The following PCDHGA6 variants were observed in gnomAD, a reference collection of about 807,000 sequenced individuals.
PCDHGA6 encodes protocadherin gamma-A6.
Under a neutral mutation model 60.6 loss-of-function variants are expected in PCDHGA6, and 41 were observed. The ratio of observed to expected loss-of-function variants is 0.68; its 90% CI spans 0.53 to 0.88. The LOEUF (loss-of-function observed/expected upper bound fraction) is 0.88. PCDHGA6 is among the 40% of genes least tolerant of loss of function. The pLI is 0.00. For synonymous variants in PCDHGA6, 594 were observed against 524.4 expected, an observed-to-expected ratio of 1.13 and a Z score of -1.81; for missense variants, 1,312 against 1,203.0, an observed-to-expected ratio of 1.09 and a Z score of -1.34.
intron 1 of PCDHGA6, chr5:141,385,631 G>A (rs539938751): frequency 7.4e-6 from 7 of 947,722 alleles, no homozygotes; most frequent in Middle Eastern, 4.4e-4. Flanking sequence ...GGAATGAATC[G>A]AGTCTTTCAT....
intron 1 of PCDHGA6, among the ~76,000 whole-genome samples, chr5:141,457,029 C>G (rs2098904194): frequency 6.6e-6 from 1 of 152,170 alleles, no homozygotes; most frequent in Non-Finnish European, 1.5e-5. Flanking sequence ...TCCTAGTAGA[C>G]TCAGTGATAG....
At chr5:141,469,721 A>G (rs1238006043) in intron 1 of PCDHGA6, among the ~76,000 whole-genome samples, 5 of 152,270 alleles carry the variant, frequency 3.3e-5, no homozygotes, top group African/African-American at 1.2e-4. Context: ...TTAGGAATTT[A>G]TCATAAATAC....
chr5:141,441,295 A>C (rs952946372), intron 1 of PCDHGA6: 3 of 152,240 alleles, frequency 2.0e-5, no homozygotes, highest in Non-Finnish European at 4.4e-5. Flanking sequence ...CACATGTCTG[A>C]TATAAGAAAA....
At position 141,376,447 on chromosome 5, in the gene PCDHGA6, C is replaced by G. The variant is rs777597745; in HGVS notation, c.2364C>G (p.Ser788Arg). 2 of 1,614,182 alleles carry G rather than the reference C, an allele frequency of 1.2e-6. No homozygotes were observed. Among genetic ancestry groups the G allele is most frequent in the Non-Finnish European group, 1.7e-6 (2 of 1,180,040 alleles). The change falls in exon 1 of 4, where the codon AGC (serine) becomes AGG (arginine). Residue 788 changes from serine to arginine, a missense_variant. By Grantham distance (110) the Ser-to-Arg change is moderately radical. Transcript: ENST00000517434. ...TCAACCAGGAGAGCTATGAGAAAAG[C>G]GAGCCTCTTCTGATAACTCAGGATT... ...TLINQESYEK[S>R]EPLLITQDLL... is the part of the protein sequence containing the mutation.
chr5:141,431,476 A>G lies in PCDHGA6; in HGVS notation c.2424+54969A>G, dbSNP rs975772031. 1.9e-6 allele frequency: 3 copies of G among 1,613,864 alleles called. No homozygotes were observed. Among genetic ancestry groups the G allele is most frequent in the Admixed American group, 3.3e-5 (2 of 60,032 alleles). ...TGGTTCTGGATGCGAACGACAACGC[A>G]CCAGCGTTTGCTCAGCCCGAGTACC... On this transcript the variant is annotated intron_variant, in intron 1 of 3. Coordinates refer to ENST00000517434, the MANE Select transcript of PCDHGA6 (RefSeq NM_018919.3). This position sits in a 1 kb window ranked among gnomAD's most constrained non-coding sequence, Gnocchi z 4.8.
At chr5:141,464,044 C>T (rs898632465) in intron 1 of PCDHGA6, among the ~76,000 whole-genome samples, 1 of 152,086 alleles carries the variant, frequency 6.6e-6, no homozygotes, top group African/African-American at 2.4e-5. Context: ...GCGGGTGGAT[C>T]ACCTGAGGTC....
At chr5:141,430,680 C>T (rs990086941) in intron 1 of PCDHGA6, 1 of 1,343,242 alleles carries the variant, frequency 7.4e-7, no homozygotes, top group Non-Finnish European at 1.0e-6. Flanking sequence ...TCCCAACTGT[C>T]CCATTCTATG....
chr5:141,423,177 C>G (rs748689237), intron 1 of PCDHGA6: 7 of 1,613,430 alleles, frequency 4.3e-6, no homozygotes, highest in Non-Finnish European at 5.1e-6. Context: ...TCCAGGACCA[C>G]GGCCAGCCCC....
At position 141,490,785 on chromosome 5, in the gene PCDHGA6, G is replaced by A. The variant is rs1021708826; in HGVS notation, c.2425-4022G>A. 1.2e-6 allele frequency: 2 copies of A among 1,614,066 alleles called. No individual in the cohort carries two copies. Among genetic ancestry groups the A allele is most frequent in the Non-Finnish European group, 1.7e-6 (2 of 1,179,952 alleles). On this transcript the variant is annotated intron_variant, in intron 1 of 3. Coordinates refer to ENST00000517434, the MANE Select transcript of PCDHGA6 (RefSeq NM_018919.3). The surrounding 1 kb of genome is among the most constrained non-coding windows in gnomAD (Gnocchi z 5.4). ...TGTATGTCAACCCAGAGGATGGACG[G>A]ATCTTTGCCCAGCGTACCTTTGACT...
At chr5:141,507,558 G>A (rs573728108) in intron 3 of PCDHGA6, among the ~76,000 whole-genome samples, 57 of 152,346 alleles carry the variant, frequency 3.7e-4, no homozygotes, top group African/African-American at 1.3e-3. Context: ...AGTGGCAGGC[G>A]GCTGGGTCTG....
At chr5:141,406,277 C>T (rs1462690693) in intron 1 of PCDHGA6, among the ~76,000 whole-genome samples, 1 of 151,986 alleles carries the variant, frequency 6.6e-6, no homozygotes, top group Non-Finnish European at 1.5e-5. Flanking sequence ...GCTTCAGTTT[C>T]CCAAAGCACT....
chr5:141,437,719 TA>T (rs1316054877), intron 1 of PCDHGA6, among the ~76,000 whole-genome samples: 1 of 151,332 alleles, frequency 6.6e-6, no homozygotes, highest in African/African-American at 2.4e-5. Context: ...AGTTACCCTC[TA>T]ATGTTACACT....
intron 1 of PCDHGA6, chr5:141,385,077 G>A (rs752305852): frequency 9.9e-6 from 16 of 1,614,096 alleles, no homozygotes; most frequent in Non-Finnish European, 1.4e-5. Flanking sequence ...GCCTGCTGCA[G>A]GCTTCAGAAG....
At position 141,408,870 on chromosome 5, in the gene PCDHGA6, G is replaced by C. The variant is rs780987841; in HGVS notation, c.2424+32363G>C. ...TTGGACGGAGGGGACCCACCAAGAAGTGCCACCGCTCACATAGAAATTTCT... is the reference window on the plus strand; with the variant it reads ...TTGGACGGAGGGGACCCACCAAGAACTGCCACCGCTCACATAGAAATTTCT... On this transcript the variant is annotated intron_variant, in intron 1 of 3. Coordinates refer to ENST00000517434, the MANE Select transcript of PCDHGA6 (RefSeq NM_018919.3). The C allele has an allele frequency of 1.2e-6, 2 of 1,613,656 alleles. No homozygotes were observed. Among genetic ancestry groups the C allele is most frequent in the South Asian group, 1.1e-5 (1 of 91,026 alleles).
chr5:141,375,956 G>A lies in PCDHGA6; in HGVS notation c.1873G>A (p.Glu625Lys), dbSNP rs760158486. 9.9e-6 allele frequency: 16 copies of A among 1,613,506 alleles called. No individual in the cohort carries two copies. Among genetic ancestry groups the A allele is most frequent in the South Asian group, 3.3e-5 (3 of 91,062 alleles). The change falls in exon 1 of 4, where the codon GAG becomes AAG. Residue 625 changes from glutamate to lysine, a missense_variant. Transcript: ENST00000517434. The part of the protein sequence containing the change: ...GLFSVGLHTG[E>K]VRTARALLDR... ...TTTCTCAGTGGGCCTGCACACGGGCGAGGTGCGCACGGCGCGCGCCCTGCT... is the reference window on the plus strand; with the variant it reads ...TTTCTCAGTGGGCCTGCACACGGGCAAGGTGCGCACGGCGCGCGCCCTGCT...
intron 1 of PCDHGA6, chr5:141,441,516 C>T (rs1034274864): frequency 4.0e-5 from 7 of 173,082 alleles, no homozygotes; most frequent in Non-Finnish European, 8.7e-5. Flanking sequence ...ACGTCGTCCA[C>T]GTGGCCAAGA....
intron 1 of PCDHGA6, among the ~76,000 whole-genome samples, chr5:141,452,094 G>A (rs760924457): frequency 6.6e-6 from 1 of 152,162 alleles, no homozygotes; most frequent in South Asian, 2.1e-4. Context: ...CAGTAAGAAA[G>A]AGCTTTCTTT....
intron 1 of PCDHGA6, among the ~76,000 whole-genome samples, chr5:141,425,440 A>G (rs1438530374): frequency 2.0e-5 from 3 of 152,248 alleles, no homozygotes; most frequent in Non-Finnish European, 4.4e-5. Flanking sequence ...GAGGATAAAA[A>G]TAAAACACCA....
At chr5:141,417,753 C>T (rs889153718) in intron 1 of PCDHGA6, 3 of 1,431,672 alleles carry the variant, frequency 2.1e-6, no homozygotes, top group African/African-American at 2.9e-5. Flanking sequence ...ATTGCCAGCT[C>T]CGAGACCCGG....
Sources: gnomAD v4.1 joint callset for allele counts (sites outside exome capture counted in the v4.1 genomes callset) on GRCh38, gnomAD v4.1.1 for gene constraint, Gnocchi (gnomAD v3.1) non-coding constraint, MANE v1.5 for transcripts, NCBI Gene and HGNC (gene_info 2026-07-23, HGNC 2026-07-21) for gene names.